The following PBX1 variants were observed in gnomAD, a reference collection of about 807,000 sequenced individuals.
PBX1 encodes the protein pre-B-cell leukemia transcription factor 1.
Under a neutral mutation model 53.4 loss-of-function variants are expected in PBX1, and 6 were observed. The ratio of observed to expected loss-of-function variants is 0.11; its 90% CI spans 0.06 to 0.22. The LOEUF (loss-of-function observed/expected upper bound fraction) is 0.22, where lower values mean the gene tolerates loss of function less well. Ranked by LOEUF, PBX1 falls within the 10% of genes least tolerant of loss-of-function variation. The pLI, the probability that PBX1 is intolerant of heterozygous loss-of-function variation, is 1.00. For missense variants in PBX1, 251 were observed against 551.4 expected, an observed-to-expected ratio of 0.46 and a Z score of 5.46; for synonymous variants, 204 against 212.3, an observed-to-expected ratio of 0.96 and a Z score of 0.34.
At chr1:164,870,266 C>CTTCCTTCCTTCCTTCCTTCCTT (rs71097553) in intron 2 of PBX1, among the ~76,000 whole-genome samples, 1 of 45,168 alleles carries the variant, frequency 2.2e-5, no homozygotes. Flanking sequence ...TCCTTCCTTC[C>CTTCCTTCCTTCCTTCCTTCCTT]TTCTTTCTTT....
intron 7 of PBX1, among the ~76,000 whole-genome samples, chr1:164,820,589 CA>C (rs2102364643): frequency 6.6e-6 from 1 of 152,294 alleles, no homozygotes; most frequent in East Asian, 1.9e-4. Flanking sequence ...AGGCAATTAA[CA>C]AGCAAGCAAA....
chr1:164,584,851 G>A (rs890744949), intron 2 of PBX1, among the ~76,000 whole-genome samples: 6 of 151,992 alleles, frequency 3.9e-5, no homozygotes, highest in African/African-American at 1.4e-4. Flanking sequence ...TCCACAGTTT[G>A]GCCTGTCTCT....
At chr1:164,685,927 A>G (rs1268252339) in intron 2 of PBX1, among the ~76,000 whole-genome samples, 1 of 152,168 alleles carries the variant, frequency 6.6e-6, no homozygotes, top group Non-Finnish European at 1.5e-5. Context: ...GGAGAACATT[A>G]GGTGCCTGTT....
intron 2 of PBX1, among the ~76,000 whole-genome samples, chr1:164,727,672 A>G (rs1399062197): frequency 6.6e-6 from 1 of 152,216 alleles, no homozygotes; most frequent in Non-Finnish European, 1.5e-5. Context: ...TGTCATGGGA[A>G]GTGGCGGCCA....
rs534923309 is a variant in PBX1 at position 164,652,909 on chromosome 1, G to A, written c.265+89598G>A. Among the ~76,000 whole-genome samples the A allele has an allele frequency of 7.4e-5, 11 of 147,990 alleles. No homozygotes were observed. In the South Asian group the frequency reaches 1.1e-3, roughly 14 times the overall value. On this transcript the variant is annotated intron_variant, in intron 2 of 8. Coordinates refer to ENST00000420696, the MANE Select transcript of PBX1 (RefSeq NM_002585.4). ...TTTTCGGACAGAGTCTCACTCTGTC[G>A]CTCAGGCTGGAGGGCAGTGGTGCGA...
At chr1:164,763,388 T>C (rs957462766) in intron 2 of PBX1, among the ~76,000 whole-genome samples, 1 of 152,232 alleles carries the variant, frequency 6.6e-6, no homozygotes, top group African/African-American at 2.4e-5. Context: ...TGTAGACTTA[T>C]TCCTTTTAAA....
intron 2 of PBX1, among the ~76,000 whole-genome samples, chr1:164,883,125 A>T (rs1283899819): frequency 1.3e-5 from 2 of 152,200 alleles, no homozygotes; most frequent in African/African-American, 4.8e-5. Flanking sequence ...ATTCTAAAAG[A>T]CTTTAGTTAA....
rs1558028372 is a variant in PBX1, at chr1:164,821,646, CA to C, written c.1200+21del. 6.3e-7 allele frequency: 1 copy of C among 1,589,476 alleles called. No homozygotes were observed. The highest frequency in any genetic ancestry group is 1.7e-5 in the Admixed American group (1 of 59,930). The stretch of plus-strand genomic sequence containing the variant: ...ATCAGTGTAAGAAAACAAGCCCCCC[CA>C]CCCCCTGCTTTGTTTTTATTCTTTC... On this transcript the variant is annotated intron_variant, in intron 8 of 8. Coordinates refer to ENST00000420696, the MANE Select transcript of PBX1 (RefSeq NM_002585.4).
chr1:164,680,332 A>T (rs965109917), intron 2 of PBX1: 8 of 152,352 alleles, frequency 5.3e-5, no homozygotes, highest in African/African-American at 1.4e-4. Context: ...TCTGAAAGAG[A>T]GAGCATTTAC....
chr1:164,775,778 A>G (rs559760314), intron 2 of PBX1, among the ~76,000 whole-genome samples: 19 of 152,338 alleles, frequency 1.2e-4, no homozygotes, highest in Admixed American at 7.8e-4. Flanking sequence ...ATTCGGTTTA[A>G]TGGTGTAAGG....
chr1:164,656,937 A>G (rs78713365), intron 2 of PBX1, among the ~76,000 whole-genome samples: 1 of 152,310 alleles, frequency 6.6e-6, no homozygotes, highest in East Asian at 1.9e-4. Context: ...TGTGGATTGT[A>G]TATATGATAC....
At chr1:164,678,869 A>G (rs1291365608) in intron 2 of PBX1, among the ~76,000 whole-genome samples, 3 of 152,034 alleles carry the variant, frequency 2.0e-5, no homozygotes, top group Non-Finnish European at 2.9e-5. Flanking sequence ...GATGCATTCC[A>G]AGCTCCAGGG....
At chr1:164,742,353 C>T (rs1665656338) in intron 2 of PBX1, among the ~76,000 whole-genome samples, 3 of 152,098 alleles carry the variant, frequency 2.0e-5, no homozygotes, top group Non-Finnish European at 1.5e-5. Context: ...ACCAGCCTGG[C>T]CAACATGGCA....
At chr1:164,843,339 A>C (rs1170067802) in intron 8 of PBX1, among the ~76,000 whole-genome samples, 1 of 152,160 alleles carries the variant, frequency 6.6e-6, no homozygotes, top group Non-Finnish European at 1.5e-5. Context: ...ATAGGCTACA[A>C]TGTCCTAAAT....
chr1:164,824,264 G>A (rs1197136496), intron 8 of PBX1, among the ~76,000 whole-genome samples: 1 of 152,176 alleles, frequency 6.6e-6, no homozygotes. Context: ...TGACCACACA[G>A]CAGTAGAATT....
chr1:164,775,801 C>G (rs1460232707), intron 2 of PBX1, among the ~76,000 whole-genome samples: 1 of 152,138 alleles, frequency 6.6e-6, no homozygotes, highest in Non-Finnish European at 1.5e-5. Flanking sequence ...GGGGTGAGTG[C>G]TGAAACAAGT....
intron 2 of PBX1, among the ~76,000 whole-genome samples, chr1:164,599,234 A>G (rs115014373): frequency 1.8e-3 from 279 of 151,684 alleles, no homozygotes; most frequent in African/African-American, 6.5e-3. Context: ...TAAATTGTGT[A>G]ATTCTTTTTT....
intron 2 of PBX1, among the ~76,000 whole-genome samples, chr1:164,877,088 G>GTT (rs370503057): frequency 1.4e-5 from 2 of 146,828 alleles, no homozygotes; most frequent in Non-Finnish European, 3.0e-5. Flanking sequence ...TGTGAAGTAA[G>GTT]TTTTTTTTTT....
chr1:164,885,476 T>C (rs370428098), intron 2 of PBX1, among the ~76,000 whole-genome samples: 47 of 152,328 alleles, frequency 3.1e-4, no homozygotes, highest in African/African-American at 1.1e-3. Flanking sequence ...AGCAAGTTGC[T>C]TCATGCTTCT....
Sources: allele counts gnomAD v4.1 joint callset (sites outside exome capture counted in the v4.1 genomes callset), GRCh38; gene constraint gnomAD v4.1.1; transcripts MANE v1.5; gene names NCBI Gene and HGNC (gene_info 2026-07-23, HGNC 2026-07-21).